The following NUMB variants were observed in gnomAD, a reference collection of about 807,000 sequenced individuals.
NUMB encodes NUMB endocytic adaptor protein.
Under a neutral mutation model 59.7 loss-of-function variants are expected in NUMB, and 29 were observed. That is an observed-to-expected ratio of 0.49 (90% CI 0.36 to 0.66). The LOEUF is 0.66. Ranked by LOEUF, NUMB falls within the 30% of genes least tolerant of loss-of-function variation. NUMB has a pLI of 0.00. For synonymous variants in NUMB, 288 were observed against 288.2 expected (o/e 1.00, Z 0.01); for missense variants, 723 against 822.0 (o/e 0.88, Z 1.47).
intron 1 of NUMB, among the ~76,000 whole-genome samples, chr14:73,437,033 TTC>T (rs1216902924): frequency 6.8e-6 from 1 of 147,210 alleles, no homozygotes; most frequent in Admixed American, 6.8e-5. Flanking sequence ...TATATATTTT[TTC>T]TCTCTCTTTT....
At chr14:73,367,566 G>A (rs1894429018) in intron 2 of NUMB, among the ~76,000 whole-genome samples, 1 of 151,540 alleles carries the variant, frequency 6.6e-6, no homozygotes, top group Admixed American at 6.6e-5. Flanking sequence ...TTGAGCCCAG[G>A]GGTTCAAGAC....
At chr14:73,292,408 T>C (rs770861140) in intron 8 of NUMB, among the ~76,000 whole-genome samples, 1 of 152,232 alleles carries the variant, frequency 6.6e-6, no homozygotes, top group Non-Finnish European at 1.5e-5. Context: ...TCATATATGT[T>C]AGCCAACAAA....
At chr14:73,443,367 G>A (rs902745477) in intron 1 of NUMB, among the ~76,000 whole-genome samples, 2 of 151,836 alleles carry the variant, frequency 1.3e-5, no homozygotes, top group African/African-American at 2.4e-5. Context: ...AGGCTGAGGC[G>A]GGTGGATCAC....
chr14:73,280,686 A>ATTTTT (rs397852698), intron 11 of NUMB, among the ~76,000 whole-genome samples: 32 of 87,686 alleles, frequency 3.6e-4, no homozygotes, highest in African/African-American at 5.1e-4. Context: ...TGTTGGTACT[A>ATTTTT]TTTTTTTTTT....
At chr14:73,443,458 G>A (rs981355188) in intron 1 of NUMB, among the ~76,000 whole-genome samples, 1 of 151,804 alleles carries the variant, frequency 6.6e-6, no homozygotes, top group Non-Finnish European at 1.5e-5. Context: ...AGCCAGGCGT[G>A]GTGGCGCACG....
At chr14:73,389,355 C>T (rs1327371310) in intron 2 of NUMB, among the ~76,000 whole-genome samples, 3 of 145,492 alleles carry the variant, frequency 2.1e-5, no homozygotes, top group South Asian at 2.3e-4. Flanking sequence ...TTTTTTGAGA[C>T]GGAGTCCTGC....
intron 4 of NUMB, among the ~76,000 whole-genome samples, chr14:73,329,946 A>C (rs1269703697): frequency 6.6e-6 from 1 of 152,186 alleles, no homozygotes; most frequent in Non-Finnish European, 1.5e-5. Context: ...AGCTTGTTGA[A>C]AACTGCACCT....
At chr14:73,284,856 T>TTATG (rs1329602592) in intron 9 of NUMB, 2 of 152,116 alleles carry the variant, frequency 1.3e-5, no homozygotes, top group African/African-American at 4.8e-5. Flanking sequence ...ATTTATTTAT[T>TTATG]TATTGTTTGA....
intron 12 of NUMB, among the ~76,000 whole-genome samples, chr14:73,279,075 T>C (rs1417204546): frequency 6.6e-6 from 1 of 152,270 alleles, no homozygotes; most frequent in South Asian, 2.1e-4. Flanking sequence ...TCCACAGTCC[T>C]GTTCCACAGT....
chr14:73,410,704 A>T (rs1362017627), intron 1 of NUMB, among the ~76,000 whole-genome samples: 1 of 152,212 alleles, frequency 6.6e-6, no homozygotes, highest in South Asian at 2.1e-4. Flanking sequence ...CCATAGCCAA[A>T]ATAAAGAGCT....
chr14:73,339,793 G>A (rs1231707304), intron 4 of NUMB, among the ~76,000 whole-genome samples: 1 of 152,026 alleles, frequency 6.6e-6, no homozygotes. Flanking sequence ...TTGTTTTTTA[G>A]AACTGGCAAA....
intron 6 of NUMB, among the ~76,000 whole-genome samples, chr14:73,300,436 G>A (rs138628097): frequency 3.5e-4 from 54 of 152,224 alleles, no homozygotes; most frequent in African/African-American, 1.1e-3. Flanking sequence ...ACTTTGCTGG[G>A]GAGAGGAAAG....
At chr14:73,385,792 G>A (rs947637948) in intron 2 of NUMB, among the ~76,000 whole-genome samples, 28 of 152,062 alleles carry the variant, frequency 1.8e-4, no homozygotes, top group South Asian at 2.1e-4. Context: ...ATGAGCCATC[G>A]TGCCTGCCCA....
At chr14:73,394,291 T>C (rs1299941282) in intron 2 of NUMB, among the ~76,000 whole-genome samples, 4 of 152,166 alleles carry the variant, frequency 2.6e-5, no homozygotes, top group African/African-American at 9.7e-5. Context: ...GATGTTTTGA[T>C]GTATGTATAC....
chr14:73,275,643 C>T lies in NUMB; in HGVS notation c.*935G>A. 1 of 152,104 alleles carries T rather than the reference C, an allele frequency of 6.6e-6. No homozygotes were observed. The highest frequency in any genetic ancestry group is 1.5e-5 in the Non-Finnish European group (1 of 68,016). 9.4% of individuals were successfully genotyped at this position (152,104 alleles called of 1,614,324 possible). On this transcript the variant is annotated 3_prime_UTR_variant, in exon 13 of 13. Transcript: ENST00000555238. Reference sequence around the variant, plus strand: ...CTATAGAGCATATTTCGATTGATTCCATTAAAATAATGACATTAGAATTCC... The same window carrying T: ...CTATAGAGCATATTTCGATTGATTCTATTAAAATAATGACATTAGAATTCC...
At chr14:73,325,328 C>T (rs968601572) in intron 4 of NUMB, among the ~76,000 whole-genome samples, 3 of 152,170 alleles carry the variant, frequency 2.0e-5, no homozygotes, top group South Asian at 4.2e-4. Context: ...TTAGCACACA[C>T]CTGTAGTACT....
intron 6 of NUMB, among the ~76,000 whole-genome samples, chr14:73,308,551 T>C (rs1890594087): frequency 6.6e-6 from 1 of 152,184 alleles, no homozygotes; most frequent in Non-Finnish European, 1.5e-5. Context: ...ATCGCAAAGC[T>C]AGTAAATGCA....
At chr14:73,389,653 A>C (rs1437422722) in intron 2 of NUMB, among the ~76,000 whole-genome samples, 1 of 152,204 alleles carries the variant, frequency 6.6e-6, no homozygotes, top group Non-Finnish European at 1.5e-5. Flanking sequence ...TGCCCGGCCC[A>C]TCTCTTCATT....
intron 1 of NUMB, among the ~76,000 whole-genome samples, chr14:73,412,632 G>GGA (rs1555380196): frequency 6.3e-4 from 58 of 92,514 alleles, no homozygotes; most frequent in African/African-American, 2.3e-3. Context: ...CGTCTCAAAA[G>GGA]AAAAAAAAAA....
Sources: gnomAD v4.1 joint callset for allele counts (sites outside exome capture counted in the v4.1 genomes callset) on GRCh38, gnomAD v4.1.1 for gene constraint, MANE v1.5 for transcripts, NCBI Gene and HGNC (gene_info 2026-07-23, HGNC 2026-07-21) for gene names.